The following GSE1 variants were observed in gnomAD, a reference collection of about 807,000 sequenced individuals.
GSE1 encodes the protein genetic suppressor element 1.
A neutral mutation model predicts 112.6 loss-of-function variants in GSE1; 32 were observed. The ratio of observed to expected loss-of-function variants is 0.28; its 90% confidence interval spans 0.21 to 0.38. The LOEUF (loss-of-function observed/expected upper bound fraction) is 0.38. GSE1 is among the 10% of genes least tolerant of loss of function. The pLI is 1.00. For missense variants in GSE1, 2,348 were observed against 1,699.2 expected, an observed-to-expected ratio of 1.38 and a Z score of -6.71; for synonymous variants, 1,115 against 735.6, an observed-to-expected ratio of 1.52 and a Z score of -8.35.
At position 85,644,119 on chromosome 16, in the gene GSE1, G is replaced by A. The variant is rs574568553; in HGVS notation, c.227-4433G>A. Among the ~76,000 whole-genome samples, 8 of 152,176 alleles carry A rather than the reference G, an allele frequency of 5.3e-5. No individual in the cohort carries two copies. In the East Asian group the frequency reaches 1.5e-3, roughly 29 times the overall value. The stretch of plus-strand genomic sequence containing the variant: ...GAGGCGGGAGGATCGCTTGAGCCCA[G>A]GAGTTTGAGACCATCCTGGGCACCA... On this transcript the variant is annotated intron_variant, in intron 2 of 15. Transcript: ENST00000253458.
intron 1 of GSE1, among the ~76,000 whole-genome samples, chr16:85,559,192 C>A (rs2045395479): frequency 6.6e-6 from 1 of 152,192 alleles, no homozygotes; most frequent in Non-Finnish European, 1.5e-5. Context: ...GGCCCTGTTA[C>A]AAATGCTTTG....
chr16:85,202,483 C>G (rs942071176), intron 1 of GSE1, among the ~76,000 whole-genome samples: 1 of 152,180 alleles, frequency 6.6e-6, no homozygotes, highest in Admixed American at 6.5e-5. Context: ...TTGCTGGTCT[C>G]AAACTCCTGG....
chr16:85,553,668 C>A (rs1162463997), upstream of GSE1, among the ~76,000 whole-genome samples: 4 of 152,080 alleles, frequency 2.6e-5, no homozygotes, highest in Non-Finnish European at 5.9e-5. Flanking sequence ...CGGGGAAGAG[C>A]GCCACCCCTC....
intron 2 of GSE1, among the ~76,000 whole-genome samples, chr16:85,511,836 G>A (rs917689854): frequency 6.6e-6 from 1 of 152,150 alleles, no homozygotes; most frequent in Non-Finnish European, 1.5e-5. Flanking sequence ...GAGGGAGCAG[G>A]GCCCTGCCTC....
intron 2 of GSE1, among the ~76,000 whole-genome samples, chr16:85,361,008 C>T (rs11861543): frequency 0.17 from 25,654 of 151,874 alleles, 2,470 homozygotes; most frequent in East Asian, 0.41. Flanking sequence ...CAAACATCCT[C>T]GCATAGGTGG....
intron 11 of GSE1, among the ~76,000 whole-genome samples, chr16:85,663,980 C>T (rs1033022597): frequency 4.6e-5 from 7 of 152,362 alleles, no homozygotes; most frequent in South Asian, 2.1e-4. Flanking sequence ...CTTGCTGGAC[C>T]GCTTAGGTGG....
intron 2 of GSE1, among the ~76,000 whole-genome samples, chr16:85,367,301 G>A (rs1330856962): frequency 3.3e-5 from 5 of 152,166 alleles, no homozygotes; most frequent in South Asian, 2.1e-4. Context: ...ATTGTCTGCC[G>A]GCACGTCTGT....
At position 85,329,972 on chromosome 16, in the gene GSE1, C is replaced by G. The variant is rs183599216; in HGVS notation, c.2284-27491C>G. ...GGTAAGACCCCGCCCTCCAGGGGCT[C>G]CCATGCTTCCTGCTTTATTTTCTGC... On this transcript the variant is annotated intron_variant, in intron 1 of 2. Coordinates refer to the GSE1 transcript ENST00000637419. Among the ~76,000 whole-genome samples, 283 of 152,064 alleles carry G rather than the reference C, an allele frequency of 1.9e-3. 4 individuals are homozygous for G. The highest frequency in any genetic ancestry group is 6.7e-3 in the African/African-American group (276 of 41,460).
chr16:85,322,624 T>C (rs2151501465), intron 1 of GSE1, among the ~76,000 whole-genome samples: 1 of 151,554 alleles, frequency 6.6e-6, no homozygotes, highest in Middle Eastern at 3.4e-3. Flanking sequence ...CTTTTTTTTT[T>C]TTTTTTTTTA....
chr16:85,558,597 C>G (rs374233180), intron 1 of GSE1, among the ~76,000 whole-genome samples: 1 of 152,036 alleles, frequency 6.6e-6, no homozygotes, highest in Non-Finnish European at 1.5e-5. Flanking sequence ...TGACTTTTGT[C>G]CTGACCCCCA....
At position 85,561,334 on chromosome 16, in the gene GSE1, G is replaced by T. The variant is rs368200747; in HGVS notation, c.37+4971G>T. Among the ~76,000 whole-genome samples the T allele has an allele frequency of 7.7e-4, 117 of 152,322 alleles. 1 individual carries two copies. The highest frequency in any genetic ancestry group is 2.6e-3 in the African/African-American group (108 of 41,568). On this transcript the variant is annotated intron_variant, in intron 1 of 2. Transcript: ENST00000635906. Reference sequence around the variant, plus strand: ...TGGAGCAGGGCGCCGATCCTGGGCAGTCTGGCTCCAGAGTCCCTGCTTCAT... The same window carrying T: ...TGGAGCAGGGCGCCGATCCTGGGCATTCTGGCTCCAGAGTCCCTGCTTCAT...
At chr16:85,326,833 C>T (rs1414635541) in intron 1 of GSE1, among the ~76,000 whole-genome samples, 2 of 152,228 alleles carry the variant, frequency 1.3e-5, no homozygotes. Context: ...CTGTGGGGTC[C>T]CGATCAGTTT....
At chr16:85,415,806 T>G (rs2048691452) in intron 2 of GSE1, among the ~76,000 whole-genome samples, 1 of 152,202 alleles carries the variant, frequency 6.6e-6, no homozygotes, top group African/African-American at 2.4e-5. Context: ...GCAGGCCCGC[T>G]AGAAGGATTG....
intron 1 of GSE1, among the ~76,000 whole-genome samples, chr16:85,614,625 G>C (rs1399629956): frequency 6.6e-6 from 1 of 152,234 alleles, no homozygotes; most frequent in African/African-American, 2.4e-5. Context: ...TGAGTTCCGA[G>C]GGCAGCGTGC....
At position 85,400,249 on chromosome 16, in the gene GSE1, T is replaced by TTG. The variant is rs60393248; in HGVS notation, c.2464+42638_2464+42639dup. On this transcript the variant is annotated intron_variant, in intron 2 of 2. Coordinates refer to the GSE1 transcript ENST00000637419. ...AGATGGGAAAACAGGAAGTGTAGGG[T>TTG]TGTGTGTGTGTGTGTGTGTGTGTGT... 5.2e-3 allele frequency among the ~76,000 whole-genome samples: 783 copies of TTG among 150,570 alleles called. 7 individuals carry two copies. The highest frequency in any genetic ancestry group is 0.018 in the African/African-American group (732 of 40,962).
intron 2 of GSE1, among the ~76,000 whole-genome samples, chr16:85,465,952 C>T (rs931293552): frequency 2.0e-5 from 3 of 152,212 alleles, no homozygotes; most frequent in South Asian, 2.1e-4. Context: ...GAGTCACATC[C>T]GAAGTCAGTC....
At chr16:85,597,453 C>T (rs2047284060) in intron 1 of GSE1, among the ~76,000 whole-genome samples, 1 of 148,994 alleles carries the variant, frequency 6.7e-6, no homozygotes, top group Admixed American at 6.7e-5. Flanking sequence ...CACACAGATT[C>T]TCTTTTTAAA....
chr16:85,287,968 G>A (rs1416528448), intron 1 of GSE1, among the ~76,000 whole-genome samples: 1 of 152,204 alleles, frequency 6.6e-6, no homozygotes, highest in Non-Finnish European at 1.5e-5. Context: ...GGCCGGGCAC[G>A]GTGGCTCACG....
chr16:85,666,242 A>T lies in GSE1; in HGVS notation c.3025A>T (p.Asn1009Tyr), dbSNP rs763594127. The change falls in exon 13 of 16, where the codon AAT becomes TAT. Residue 1009 changes from asparagine (N) to tyrosine (Y), a missense_variant. Transcript: ENST00000253458. ...TCCTGTGCCGCTGTCCCACAGCACC[A>T]ATGGGAAGAGCAAGCCGTGGGAGCC... The part of the protein sequence containing the change: ...DIPVPLSHST[N>Y]GKSKPWEPFV... 7.2e-5 allele frequency: 116 copies of T among 1,613,700 alleles called. No homozygotes were observed. The highest frequency in any genetic ancestry group is 1.6e-4 in the Middle Eastern group (1 of 6,084).
Sources: gnomAD v4.1 joint callset for allele counts (sites outside exome capture counted in the v4.1 genomes callset) on GRCh38, gnomAD v4.1.1 for gene constraint, MANE v1.5 for transcripts, NCBI Gene and HGNC (gene_info 2026-07-23, HGNC 2026-07-21) for gene names.